Variants in ZFAND6 observed in about 807,000 individuals in gnomAD.
The protein encoded by ZFAND6 is AN1-type zinc finger protein 6.
Under a neutral mutation model 24.5 loss-of-function variants are expected in ZFAND6, and 12 were observed. The observed-to-expected ratio is 0.49, with a 90% CI of 0.31 to 0.79. The LOEUF (loss-of-function observed/expected upper bound fraction) is 0.79. Among genes scored for constraint, ZFAND6 ranks in the 30% least tolerant of loss-of-function variants. The pLI, the probability that ZFAND6 is intolerant of heterozygous loss-of-function variation, is 0.04. For synonymous variants in ZFAND6, 92 were observed against 81.5 expected (o/e 1.13, Z -0.69); for missense variants, 207 against 245.9 (o/e 0.84, Z 1.06).
chr15:80,088,644 C>G (rs1338977393), intron 1 of ZFAND6, among the ~76,000 whole-genome samples: 2 of 152,224 alleles, frequency 1.3e-5, no homozygotes, highest in African/African-American at 4.8e-5. Context: ...TGAGTTTTCT[C>G]AATTTCCTGC....
intron 4 of ZFAND6, among the ~76,000 whole-genome samples, chr15:80,122,091 T>C (rs116083295): frequency 0.014 from 2,057 of 152,244 alleles, 39 homozygotes; most frequent in African/African-American, 0.047. Flanking sequence ...TTTGGAAGCA[T>C]GTTAAGTGAA....
intron 2 of ZFAND6, among the ~76,000 whole-genome samples, chr15:80,099,388 A>T (rs1323533805): frequency 1.3e-5 from 2 of 152,184 alleles, no homozygotes; most frequent in Non-Finnish European, 2.9e-5. Flanking sequence ...ACAGCATTGT[A>T]TTGAGCAAAA....
intron 1 of ZFAND6, among the ~76,000 whole-genome samples, chr15:80,094,448 C>A (rs967800555): frequency 1.3e-5 from 2 of 152,116 alleles, no homozygotes; most frequent in Non-Finnish European, 2.9e-5. Context: ...ACAGTTTCAC[C>A]CTGAAATCAT....
rs1300893795 is a variant in ZFAND6 at position 80,131,655 on chromosome 15, C to T, written c.478+362C>T. The T allele has an allele frequency of 2.6e-5, 7 of 271,282 alleles. No homozygotes were observed. In the East Asian group the frequency reaches 3.2e-4, roughly 12 times the overall value. The allele number at this position is 271,282 out of a possible 1,614,324, so 16.8% of individuals were successfully genotyped here. A position where few individuals can be genotyped will look rare whatever the true frequency, so the allele number is the denominator to read the frequency against. On this transcript the variant is annotated intron_variant, in intron 6 of 6. Coordinates refer to ENST00000261749, the MANE Select transcript of ZFAND6 (RefSeq NM_019006.4). ...TATATATAAAATAGGGCTAATCATA[C>T]GTTGTTGTGTGGGTTCAGTGAGTTA...
intron 1 of ZFAND6, among the ~76,000 whole-genome samples, chr15:80,060,914 C>T (rs1285983657): frequency 9.2e-5 from 14 of 151,908 alleles, no homozygotes; most frequent in African/African-American, 2.9e-4. Flanking sequence ...AGGGAGACTC[C>T]GTCTCAAAAA....
intron 1 of ZFAND6, among the ~76,000 whole-genome samples, chr15:80,076,177 A>G (rs1445451700): frequency 6.6e-6 from 1 of 152,088 alleles, no homozygotes; most frequent in Non-Finnish European, 1.5e-5. Flanking sequence ...CATACTATAC[A>G]TATTAATGGT....
At chr15:80,066,119 C>T (rs1281145132) in intron 1 of ZFAND6, among the ~76,000 whole-genome samples, 1 of 152,110 alleles carries the variant, frequency 6.6e-6, no homozygotes, top group East Asian at 1.9e-4. Context: ...TTGCCTTCAT[C>T]CAGTTACAGT....
chr15:80,082,252 C>T lies in ZFAND6; in HGVS notation c.-180-16164C>T, dbSNP rs77590908. On this transcript the variant is annotated intron_variant, in intron 1 of 6. Transcript: ENST00000261749. ...GTTTGGAATATTAATTTAATTGCAA[C>T]TCATATTGGACACTATCAGACACAT... Among the ~76,000 whole-genome samples, 418 of 152,300 alleles carry T rather than the reference C, an allele frequency of 2.7e-3. 3 individuals carry two copies. The highest frequency in any genetic ancestry group is 9.2e-3 in the African/African-American group (384 of 41,556).
intron 1 of ZFAND6, among the ~76,000 whole-genome samples, chr15:80,074,494 C>T (rs1323693613): frequency 6.6e-6 from 1 of 151,670 alleles, no homozygotes; most frequent in Non-Finnish European, 1.5e-5. Flanking sequence ...TGGAGTAGTG[C>T]CAGTTAACTT....
chr15:80,137,741 A>G lies in ZFAND6; in HGVS notation c.*113A>G, dbSNP rs768524191. 4.7e-5 allele frequency: 54 copies of G among 1,155,070 alleles called. No individual in the cohort carries two copies. Among genetic ancestry groups the G allele is most frequent in the East Asian group, 8.9e-5 (3 of 33,794 alleles). The allele number at this position is 1,155,070 out of a possible 1,614,324, so 71.6% of individuals were successfully genotyped here. On this transcript the variant is annotated 3_prime_UTR_variant, in exon 7 of 7. Transcript: ENST00000261749. ...GCAGTGTATCTTGCATGTCATCGGA[A>G]GAATAGATTTTTGTTTTGGTTTTGT...
At chr15:80,123,336 C>G (rs1044722713) in intron 5 of ZFAND6, among the ~76,000 whole-genome samples, 1 of 152,158 alleles carries the variant, frequency 6.6e-6, no homozygotes, top group Non-Finnish European at 1.5e-5. Context: ...TCTAGGAAGA[C>G]TTGAAAATTT....
intron 2 of ZFAND6, among the ~76,000 whole-genome samples, chr15:80,116,988 A>G (rs1185650743): frequency 6.6e-6 from 1 of 152,176 alleles, no homozygotes; most frequent in East Asian, 1.9e-4. Context: ...TAAGCAACCA[A>G]CATTGGTTGC....
intron 6 of ZFAND6, among the ~76,000 whole-genome samples, chr15:80,132,013 T>C (rs1481860586): frequency 6.6e-6 from 1 of 152,002 alleles, no homozygotes; most frequent in African/African-American, 2.4e-5. Context: ...TTGAAGAAAA[T>C]GAATAGGGCA....
At chr15:80,110,421 A>G (rs1267829246) in intron 2 of ZFAND6, among the ~76,000 whole-genome samples, 1 of 152,216 alleles carries the variant, frequency 6.6e-6, no homozygotes, top group Non-Finnish European at 1.5e-5. Flanking sequence ...CTAAAGGAGA[A>G]CTAAATAAAC....
At chr15:80,077,679 T>A (rs2037362253) in intron 1 of ZFAND6, among the ~76,000 whole-genome samples, 1 of 149,750 alleles carries the variant, frequency 6.7e-6, no homozygotes, top group African/African-American at 2.5e-5. Flanking sequence ...ATTGTAAGAA[T>A]AGGAGTGAGT....
chr15:80,084,895 A>G (rs2037898794), intron 1 of ZFAND6, among the ~76,000 whole-genome samples: 1 of 152,200 alleles, frequency 6.6e-6, no homozygotes, highest in Admixed American at 6.5e-5. Context: ...CTAATTAAGA[A>G]TTTTTAAGTC....
intron 1 of ZFAND6, among the ~76,000 whole-genome samples, chr15:80,076,592 C>G (rs1270539395): frequency 1.3e-5 from 2 of 152,204 alleles, no homozygotes; most frequent in Non-Finnish European, 2.9e-5. Context: ...GCTAAACATT[C>G]TCTCAGATGG....
At chr15:80,083,757 G>A (rs543766349) in intron 1 of ZFAND6, among the ~76,000 whole-genome samples, 7 of 152,244 alleles carry the variant, frequency 4.6e-5, no homozygotes, top group African/African-American at 1.7e-4. Flanking sequence ...TGGGCATGGT[G>A]GTGAGCATCT....
At chr15:80,099,271 C>A (rs1049956781) in intron 2 of ZFAND6, among the ~76,000 whole-genome samples, 4 of 152,030 alleles carry the variant, frequency 2.6e-5, no homozygotes, top group Non-Finnish European at 5.9e-5. Context: ...CTACCCTCCT[C>A]CCCCCGACTT....
Sources: allele counts gnomAD v4.1 joint callset (sites outside exome capture counted in the v4.1 genomes callset), GRCh38; gene constraint gnomAD v4.1.1; transcripts MANE v1.5; gene names NCBI Gene and HGNC (gene_info 2026-07-23, HGNC 2026-07-21).